Variants in AK8 observed in about 807,000 individuals in gnomAD.
AK8 encodes ATP-AMP transphosphorylase 8.
A neutral mutation model predicts 54.6 loss-of-function variants in AK8; 44 were observed. That is an observed-to-expected ratio of 0.81 (90% CI 0.63 to 1.04). AK8 has a LOEUF of 1.04. Ranked by LOEUF, AK8 falls within the 50% of genes least tolerant of loss-of-function variation. The probability of loss-of-function intolerance (pLI) is 0.00; values close to 1 mark genes in which losing one functional copy is unlikely to be tolerated. For synonymous variants in AK8, 239 were observed against 245.6 expected (o/e 0.97, Z 0.25); for missense variants, 555 against 613.6 (o/e 0.90, Z 1.01).
intron 10 of AK8, among the ~76,000 whole-genome samples, chr9:132,811,814 C>T (rs1206478742): frequency 2.6e-5 from 4 of 152,144 alleles, no homozygotes; most frequent in African/African-American, 9.7e-5. Context: ...CAAGAGTGTG[C>T]ATTTTAGTAT....
intron 5 of AK8, among the ~76,000 whole-genome samples, chr9:132,849,502 C>A (rs1015237624): frequency 6.6e-6 from 1 of 152,142 alleles, no homozygotes; most frequent in African/African-American, 2.4e-5. Flanking sequence ...TGTGTCCACC[C>A]CCGATTTAGA....
chr9:132,863,887 T>C (rs1843488034), intron 3 of AK8, 109 bp from the exon 4 acceptor site: 2 of 832,432 alleles, frequency 2.4e-6, no homozygotes, highest in South Asian at 1.8e-5. Context: ...AGGTTGGCCA[T>C]GGGGAAGCAC....
intron 11 of AK8, among the ~76,000 whole-genome samples, chr9:132,773,883 G>A (rs1368108841): frequency 6.6e-6 from 1 of 152,196 alleles, no homozygotes. Flanking sequence ...AGATTTGTAT[G>A]AAATCCCATG....
chr9:132,819,960 AC>A (rs1194088053), intron 9 of AK8, among the ~76,000 whole-genome samples: 2 of 152,004 alleles, frequency 1.3e-5, no homozygotes, highest in Non-Finnish European at 2.9e-5. Flanking sequence ...AGAATTTGAG[AC>A]CAGACTGGGC....
chr9:132,725,963 G>C, intron 12 of AK8, 38 bp from the exon 13 acceptor site: 1 of 1,591,268 alleles, frequency 6.3e-7, no homozygotes, highest in Non-Finnish European at 8.6e-7. Context: ...CCCATGGCCT[G>C]GCCTGGAAGC....
chr9:132,735,798 G>T (rs575516238), intron 11 of AK8, among the ~76,000 whole-genome samples: 1 of 152,304 alleles, frequency 6.6e-6, no homozygotes, highest in African/African-American at 2.4e-5. Flanking sequence ...ACAGCCAAAA[G>T]GTGAAAACAA....
At chr9:132,746,456 G>A (rs1304811993) in intron 11 of AK8, among the ~76,000 whole-genome samples, 1 of 152,184 alleles carries the variant, frequency 6.6e-6, no homozygotes, top group Non-Finnish European at 1.5e-5. Context: ...CCATCTAAGG[G>A]GACAGGGATG....
chr9:132,857,386 G>A (rs1273235687), intron 4 of AK8, among the ~76,000 whole-genome samples: 1 of 152,136 alleles, frequency 6.6e-6, no homozygotes, highest in East Asian at 1.9e-4. Context: ...CGGGGTCTGG[G>A]GGAAGCTGCT....
rs930509926 is a variant in AK8, at chr9:132,770,528, C to G, written c.1121+22106G>C. Among the ~76,000 whole-genome samples, 5 of 152,164 alleles carry G rather than the reference C, an allele frequency of 3.3e-5. No individual in the cohort carries two copies. Among genetic ancestry groups the G allele is most frequent in the Non-Finnish European group, 5.9e-5 (4 of 68,014 alleles). On this transcript the variant is annotated intron_variant, in intron 11 of 12. Transcript: ENST00000298545. This position sits in a 1 kb window ranked among gnomAD's most constrained non-coding sequence, Gnocchi z 4.3. ...CGCGGGGGATGCCCCTCGCCCTGCA[C>G]GCGCGCCCTGCCCCTGGCTGTAACC...
At chr9:132,751,378 CA>C (rs1208975942) in intron 11 of AK8, among the ~76,000 whole-genome samples, 2,697 of 50,220 alleles carry the variant, frequency 0.054, 40 homozygotes, top group African/African-American at 0.16. Flanking sequence ...AGTGAGACTC[CA>C]AAAAAAAAAA....
At chr9:132,756,047 A>G (rs181897756) in intron 11 of AK8, among the ~76,000 whole-genome samples, 1,748 of 152,286 alleles carry the variant, frequency 0.011, 37 homozygotes, top group African/African-American at 0.04. Flanking sequence ...GATTACAGGC[A>G]TGAGCCACCA....
At chr9:132,739,483 A>AAAAAAAAAAT (rs1356023283) in intron 11 of AK8, among the ~76,000 whole-genome samples, 1 of 103,308 alleles carries the variant, frequency 9.7e-6, no homozygotes, top group Non-Finnish European at 1.9e-5. Context: ...AAAAAAAAAG[A>AAAAAAAAAAT]TTGTTCCTGC....
In AK8 at chr9:132,846,516, AATGAAT is replaced by A. The variant is rs1588206261; in HGVS notation, c.402+8335_402+8340del. The stretch of plus-strand genomic sequence containing the variant: ...GCATGAGAGAATAGATGAATGAATG[AATGAAT>A]GAATGAATGAATGAATGAATGAATG... On this transcript the variant is annotated intron_variant, in intron 5 of 12. Coordinates refer to ENST00000298545, the MANE Select transcript of AK8 (RefSeq NM_152572.3). Among the ~76,000 whole-genome samples, 4 of 35,226 alleles carry A rather than the reference AATGAAT, an allele frequency of 1.1e-4. No individual in the cohort carries two copies. In the East Asian group the frequency reaches 2.2e-3, roughly 20 times the overall value. The allele number at this position is 35,226 out of a possible 152,430, so 23.1% of individuals were successfully genotyped here.
chr9:132,745,432 G>A (rs986965058), intron 11 of AK8, among the ~76,000 whole-genome samples: 2 of 152,214 alleles, frequency 1.3e-5, no homozygotes, highest in Middle Eastern at 3.4e-3. Context: ...CGTCCGTGTC[G>A]CGGCTGTAAT....
At chr9:132,852,186 A>C (rs760047142) in intron 5 of AK8, among the ~76,000 whole-genome samples, 8 of 152,172 alleles carry the variant, frequency 5.3e-5, no homozygotes, top group Non-Finnish European at 1.2e-4. Flanking sequence ...GAGTAAAAAC[A>C]ATAGGGGCCA....
chr9:132,852,136 G>C (rs901494773), intron 5 of AK8, among the ~76,000 whole-genome samples: 2 of 152,204 alleles, frequency 1.3e-5, no homozygotes, highest in African/African-American at 4.8e-5. Context: ...CAGTGACCCT[G>C]ACAATAGTTC....
intron 10 of AK8, among the ~76,000 whole-genome samples, chr9:132,796,318 T>C (rs894229431): frequency 4.6e-5 from 7 of 152,248 alleles, no homozygotes; most frequent in African/African-American, 1.7e-4. Flanking sequence ...GAAGGCCAGA[T>C]AGAAATACAA....
At chr9:132,818,749 G>C (rs115446905) in intron 9 of AK8, among the ~76,000 whole-genome samples, 1 of 151,948 alleles carries the variant, frequency 6.6e-6, no homozygotes, top group African/African-American at 2.4e-5. Context: ...GTGGGAGGCC[G>C]AGGCGGGAGG....
intron 11 of AK8, among the ~76,000 whole-genome samples, chr9:132,780,244 C>T (rs888121301): frequency 6.6e-6 from 1 of 152,068 alleles, no homozygotes; most frequent in Non-Finnish European, 1.5e-5. Flanking sequence ...GCAGAGATGC[C>T]CTGTGCAAAG....
Sources: gnomAD v4.1 joint callset for allele counts (sites outside exome capture counted in the v4.1 genomes callset) on GRCh38, gnomAD v4.1.1 for gene constraint, Gnocchi (gnomAD v3.1) non-coding constraint, MANE v1.5 for transcripts, NCBI Gene and HGNC (gene_info 2026-07-23, HGNC 2026-07-21) for gene names.